The following TMEM108 variants were observed in gnomAD, a reference collection of about 807,000 sequenced individuals.
TMEM108 encodes transmembrane protein 108.
Under a neutral mutation model 35.1 loss-of-function variants are expected in TMEM108, and 12 were observed. The ratio of observed to expected loss-of-function variants is 0.34; its 90% CI spans 0.22 to 0.55. The LOEUF is 0.55. TMEM108 is among the 20% of genes least tolerant of loss of function. The pLI, the probability that TMEM108 is intolerant of heterozygous loss-of-function variation, is 0.89. For synonymous variants in TMEM108, 287 were observed against 308.6 expected (o/e 0.93, Z 0.73); for missense variants, 680 against 753.3 (o/e 0.90, Z 1.14).
chr3:133,373,257 G>A (rs536127579), intron 3 of TMEM108, among the ~76,000 whole-genome samples: 1 of 151,540 alleles, frequency 6.6e-6, no homozygotes, highest in Non-Finnish European at 1.5e-5. Flanking sequence ...GCTGAGGTGG[G>A]AGGATCACTT....
chr3:133,178,000 G>A (rs1945264509), intron 2 of TMEM108, among the ~76,000 whole-genome samples: 1 of 152,262 alleles, frequency 6.6e-6, no homozygotes, highest in South Asian at 2.1e-4. Context: ...AAAATCACAA[G>A]CATTCTTATA....
At chr3:133,158,225 T>C (rs1252885389) in intron 2 of TMEM108, among the ~76,000 whole-genome samples, 3 of 152,082 alleles carry the variant, frequency 2.0e-5, no homozygotes, top group Admixed American at 2.0e-4. Flanking sequence ...ATCCCAGCAC[T>C]TTGGGAGGCC....
intron 3 of TMEM108, among the ~76,000 whole-genome samples, chr3:133,323,877 T>C (rs1190902046): frequency 6.6e-6 from 1 of 152,050 alleles, no homozygotes; most frequent in African/African-American, 2.4e-5. Context: ...AGCCAAATAT[T>C]TATAGCCAAC....
intron 3 of TMEM108, among the ~76,000 whole-genome samples, chr3:133,234,947 A>G (rs916503371): frequency 6.6e-5 from 10 of 152,242 alleles, no homozygotes; most frequent in African/African-American, 2.4e-4. Flanking sequence ...AAGCATTCCT[A>G]TACGTCAATA....
intron 2 of TMEM108, among the ~76,000 whole-genome samples, chr3:133,210,421 G>A (rs1945818956): frequency 6.6e-6 from 1 of 152,158 alleles, no homozygotes; most frequent in Non-Finnish European, 1.5e-5. Flanking sequence ...AAGACTTGCT[G>A]ATCATAATAG....
chr3:133,106,266 T>C (rs1345558368), intron 2 of TMEM108, among the ~76,000 whole-genome samples: 3 of 150,572 alleles, frequency 2.0e-5, no homozygotes, highest in Non-Finnish European at 4.4e-5. Flanking sequence ...GTACTTTCTA[T>C]ACTGGATTTC....
chr3:133,341,800 T>C (rs2071668889), intron 3 of TMEM108, among the ~76,000 whole-genome samples: 1 of 151,822 alleles, frequency 6.6e-6, no homozygotes, highest in South Asian at 2.1e-4. Flanking sequence ...ATCTCTTCAA[T>C]AAATGGTGCT....
At chr3:133,200,609 A>G (rs989337650) in intron 2 of TMEM108, among the ~76,000 whole-genome samples, 1 of 152,218 alleles carries the variant, frequency 6.6e-6, no homozygotes, top group African/African-American at 2.4e-5. Flanking sequence ...TTTAAAGGAA[A>G]GCAAAGAGAA....
At chr3:133,231,653 G>A (rs926531443) in intron 3 of TMEM108, among the ~76,000 whole-genome samples, 1 of 152,128 alleles carries the variant, frequency 6.6e-6, no homozygotes, top group Non-Finnish European at 1.5e-5. Flanking sequence ...GTAACTCAGG[G>A]GAAGAGGAAT....
intron 2 of TMEM108, among the ~76,000 whole-genome samples, chr3:133,161,333 T>G (rs560704682): frequency 2.2e-4 from 33 of 152,284 alleles, no homozygotes; most frequent in Admixed American, 1.7e-3. Context: ...CTTTCATCAC[T>G]CAGTCTAAAG....
In TMEM108 at chr3:133,163,260, C is replaced by T. The variant is rs1373286705; in HGVS notation, c.-46-66006C>T. On this transcript the variant is annotated intron_variant, in intron 2 of 5. Coordinates refer to ENST00000321871, the MANE Select transcript of TMEM108 (RefSeq NM_023943.4). ...TGCCTTACTTTCTTTTTCCTCTCTC[C>T]ATCCCCCCTAGAGTAAATTAACTTA... Among the ~76,000 whole-genome samples the T allele has an allele frequency of 3.3e-5, 5 of 152,148 alleles. No homozygotes were observed. The South Asian group carries it at 8.3e-4, about 25-fold the overall frequency.
intron 2 of TMEM108, among the ~76,000 whole-genome samples, chr3:133,071,734 T>C (rs1208000114): frequency 6.6e-6 from 1 of 152,208 alleles, no homozygotes; most frequent in Non-Finnish European, 1.5e-5. Context: ...GTTCTGGATA[T>C]TACCCCTTTA....
chr3:133,340,061 A>G (rs2071615477), intron 3 of TMEM108, among the ~76,000 whole-genome samples: 1 of 151,702 alleles, frequency 6.6e-6, no homozygotes, highest in African/African-American at 2.4e-5. Flanking sequence ...CAAGAGGAAA[A>G]CAAATCCAAA....
intron 3 of TMEM108, among the ~76,000 whole-genome samples, chr3:133,328,096 C>CT (rs774083797): frequency 1.2e-4 from 18 of 152,124 alleles, no homozygotes; most frequent in South Asian, 4.2e-4. Context: ...GTGTTGGAGT[C>CT]TAAGAGTGCA....
chr3:133,192,645 A>C (rs1945515609), intron 2 of TMEM108: 1 of 152,428 alleles, frequency 6.6e-6, no homozygotes. Context: ...GTTTTGGAGG[A>C]GGAAAGTCCT....
chr3:133,128,091 A>C (rs1944440751), intron 2 of TMEM108, among the ~76,000 whole-genome samples: 1 of 152,198 alleles, frequency 6.6e-6, no homozygotes, highest in Non-Finnish European at 1.5e-5. Flanking sequence ...GCCTTGCCAG[A>C]AGTTTTGCCC....
chr3:133,143,438 C>T (rs1225644384), intron 2 of TMEM108, among the ~76,000 whole-genome samples: 1 of 151,796 alleles, frequency 6.6e-6, no homozygotes, highest in Non-Finnish European at 1.5e-5. Flanking sequence ...AAAAAGAGTG[C>T]TTTATGTTTG....
At chr3:133,233,026 G>A (rs563455594) in intron 3 of TMEM108, among the ~76,000 whole-genome samples, 5 of 138,766 alleles carry the variant, frequency 3.6e-5, no homozygotes, top group East Asian at 4.1e-4. Flanking sequence ...TACCACTTTC[G>A]TTTTTTTTTT....
intron 3 of TMEM108, among the ~76,000 whole-genome samples, chr3:133,298,658 A>G (rs965785506): frequency 1.3e-5 from 2 of 152,144 alleles, no homozygotes; most frequent in African/African-American, 2.4e-5. Context: ...ATATTTATAA[A>G]TTCGTTTCAC....
Sources: gnomAD v4.1 joint callset for allele counts (sites outside exome capture counted in the v4.1 genomes callset) on GRCh38, gnomAD v4.1.1 for gene constraint, MANE v1.5 for transcripts, NCBI Gene and HGNC (gene_info 2026-07-23, HGNC 2026-07-21) for gene names.